The following KLHL14 variants were observed in gnomAD, a reference collection of about 807,000 sequenced individuals.
KLHL14 encodes the protein kelch-like protein 14.
Under a neutral mutation model 64.3 loss-of-function variants are expected in KLHL14, and 22 were observed. That is an observed-to-expected ratio of 0.34 (90% confidence interval 0.24 to 0.49). The LOEUF is 0.49. Among genes scored for constraint, KLHL14 ranks in the 20% least tolerant of loss-of-function variants. The pLI, the probability that KLHL14 is intolerant of heterozygous loss-of-function variation, is 0.99. For synonymous variants in KLHL14, 322 were observed against 333.4 expected, an observed-to-expected ratio of 0.97 and a Z score of 0.37; for missense variants, 661 against 789.0, an observed-to-expected ratio of 0.84 and a Z score of 1.94.
chr18:32,695,487 C>T lies in KLHL14; in HGVS notation c.1135G>A (p.Gly379Arg). 1 of 1,612,212 alleles carries T rather than the reference C, an allele frequency of 6.2e-7. No homozygotes were observed. The highest frequency in any genetic ancestry group is 8.5e-7 in the Non-Finnish European group (1 of 1,178,416). Residue 379 changes from glycine to arginine, a missense_variant, in exon 4 of 9, where the codon GGA (glycine) becomes AGA (arginine). By Grantham distance (125) the Gly-to-Arg change is moderately radical (BLOSUM62 -2). Transcript: ENST00000359358. ...EVENFLFVLG[G>R]EDQWNPNGKH... ...CCATTCGGATTCCACTGGTCCTCTCCACCCAACACGAACAAGAAGTTTTCC... is the reference window on the plus strand; with the variant it reads ...CCATTCGGATTCCACTGGTCCTCTCTACCCAACACGAACAAGAAGTTTTCC...
chr18:32,676,917 G>C (rs2049813951), intron 8 of KLHL14, among the ~76,000 whole-genome samples: 1 of 152,086 alleles, frequency 6.6e-6, no homozygotes, highest in Non-Finnish European at 1.5e-5. Flanking sequence ...CTTTCAGTTG[G>C]GAAGCCAGAA....
rs930611392 is a variant in KLHL14, at chr18:32,680,110, C to T, written c.1588+59G>A. The T allele has an allele frequency of 9.7e-6, 15 of 1,539,382 alleles. No homozygotes were observed. Among genetic ancestry groups the T allele is most frequent in the Middle Eastern group, 1.8e-4 (1 of 5,406 alleles). On this transcript the variant is annotated intron_variant, in intron 7 of 8. Coordinates refer to ENST00000359358, the MANE Select transcript of KLHL14 (RefSeq NM_020805.3). The surrounding 1 kb of genome is among the most constrained non-coding windows in gnomAD (Gnocchi z 4.8). Reference sequence around the variant, plus strand: ...ATTATCTAAGGAGAAACCCCCTTAGCGAGAAATATGAGGTGCAAATGTTAT... The same window carrying T: ...ATTATCTAAGGAGAAACCCCCTTAGTGAGAAATATGAGGTGCAAATGTTAT...
intron 3 of KLHL14, among the ~76,000 whole-genome samples, chr18:32,740,607 T>C (rs1390048777): frequency 6.6e-6 from 1 of 152,232 alleles, no homozygotes; most frequent in Non-Finnish European, 1.5e-5. Flanking sequence ...GCTTTAGCTT[T>C]TGTTTCTGAC....
intron 3 of KLHL14, among the ~76,000 whole-genome samples, chr18:32,727,825 A>G (rs905686084): frequency 6.6e-6 from 1 of 152,214 alleles, no homozygotes; most frequent in Non-Finnish European, 1.5e-5. Flanking sequence ...TACCAGTATG[A>G]CATGGACAGA....
rs2144469607 is a variant in KLHL14, at chr18:32,683,396, C to T, written c.1239-2797G>A. On this transcript the variant is annotated intron_variant, in intron 5 of 8. Transcript: ENST00000359358. This position sits in a 1 kb window ranked among gnomAD's most constrained non-coding sequence, Gnocchi z 4.2. ...GACCAAAGTGAGAGTTCCTGAAATG[C>T]ATTTTAGAAACCTGATTGTTAATGG... is the stretch of plus-strand genomic sequence containing the variant. Among the ~76,000 whole-genome samples the T allele has an allele frequency of 6.6e-6, 1 of 152,280 alleles. No individual in the cohort carries two copies. Among genetic ancestry groups the T allele is most frequent in the African/African-American group, 2.4e-5 (1 of 41,552 alleles).
At position 32,683,652 on chromosome 18, in the gene KLHL14, C is replaced by T. The variant is rs2049855204; in HGVS notation, c.1239-3053G>A. Among the ~76,000 whole-genome samples the T allele has an allele frequency of 2.0e-5, 3 of 152,178 alleles. No individual in the cohort carries two copies. The highest frequency in any genetic ancestry group is 1.9e-4 in the East Asian group (1 of 5,194). On this transcript the variant is annotated intron_variant, in intron 5 of 8. Coordinates refer to ENST00000359358, the MANE Select transcript of KLHL14 (RefSeq NM_020805.3). The surrounding 1 kb of genome is among the most constrained non-coding windows in gnomAD (Gnocchi z 4.2). ...CTTCAGCCTCCCCTGCCCCCACTGC[C>T]AGAAGCAATATTCAGTATTTGTGAG...
chr18:32,709,609 T>C (rs1189525159), intron 3 of KLHL14, among the ~76,000 whole-genome samples: 1 of 152,080 alleles, frequency 6.6e-6, no homozygotes, highest in Admixed American at 6.6e-5. Context: ...CCATCATATC[T>C]GGGTAATTTT....
intron 3 of KLHL14, among the ~76,000 whole-genome samples, chr18:32,717,334 A>T (rs755494138): frequency 1.3e-5 from 2 of 152,242 alleles, no homozygotes; most frequent in Non-Finnish European, 2.9e-5. Flanking sequence ...CTTGAAATTT[A>T]GACTATGTCA....
At chr18:32,764,837 T>C (rs940013182) in intron 2 of KLHL14, among the ~76,000 whole-genome samples, 2 of 152,140 alleles carry the variant, frequency 1.3e-5, no homozygotes, top group African/African-American at 4.8e-5. Context: ...TGTTGCTTTT[T>C]ATAGAAAAAA....
intron 3 of KLHL14, chr18:32,734,036 C>T: frequency 1.6e-6 from 1 of 640,882 alleles, no homozygotes; most frequent in Non-Finnish European, 2.8e-6. Context: ...AGGTCCTCCA[C>T]AATGAGCTTG....
chr18:32,739,537 T>G (rs1419100166), intron 3 of KLHL14, among the ~76,000 whole-genome samples: 1 of 152,012 alleles, frequency 6.6e-6, no homozygotes, highest in Non-Finnish European at 1.5e-5. Context: ...TCCAGTGAAA[T>G]GAACATTGTT....
chr18:32,764,688 G>C (rs2050331410), intron 2 of KLHL14, among the ~76,000 whole-genome samples: 1 of 152,094 alleles, frequency 6.6e-6, no homozygotes, highest in Non-Finnish European at 1.5e-5. Context: ...GGAAATTTCA[G>C]TGCCCACAAA....
chr18:32,689,015 A>T (rs1353081374), intron 4 of KLHL14, among the ~76,000 whole-genome samples: 4 of 152,190 alleles, frequency 2.6e-5, no homozygotes, highest in Non-Finnish European at 5.9e-5. Context: ...GTCATTAGGG[A>T]TGGCTGCTAG....
intron 4 of KLHL14, among the ~76,000 whole-genome samples, chr18:32,688,638 C>T (rs2049892108): frequency 6.6e-6 from 1 of 152,192 alleles, no homozygotes; most frequent in Admixed American, 6.5e-5. Flanking sequence ...AGTTCAAAAA[C>T]AGCAAGAATG....
chr18:32,758,996 G>A (rs1023757724), intron 2 of KLHL14, among the ~76,000 whole-genome samples: 1 of 152,172 alleles, frequency 6.6e-6, no homozygotes, highest in Non-Finnish European at 1.5e-5. Flanking sequence ...GTTTTTGGGG[G>A]AGGGAATGAT....
chr18:32,735,755 C>T (rs991150612), intron 3 of KLHL14, among the ~76,000 whole-genome samples: 2 of 152,140 alleles, frequency 1.3e-5, no homozygotes, highest in Non-Finnish European at 2.9e-5. Flanking sequence ...TTTATTAATG[C>T]TGGTTTCCCT....
rs1242127036 is a variant in KLHL14 at position 32,769,809 on chromosome 18, C to T, written c.783G>A (p.Met261Ile). 4 of 1,612,102 alleles carry T rather than the reference C, an allele frequency of 2.5e-6. No homozygotes were observed. The highest frequency in any genetic ancestry group is 2.5e-6 in the Non-Finnish European group (3 of 1,178,816). Residue 261 changes from methionine (M) to isoleucine (I), a missense_variant, in exon 2 of 9, where the codon ATG becomes ATA. Physicochemically the swap from Met to Ile is conservative, Grantham distance 10. Coordinates refer to ENST00000359358, the MANE Select transcript of KLHL14 (RefSeq NM_020805.3). ...ETRMQYAPDL[M>I]KRLRFALIPA... ...GGATGAGGGCGAAGCGGAGGCGCTT[C>T]ATGAGGTCAGGCGCATACTGCATGC...
At chr18:32,768,464 C>T (rs2050358953) in intron 2 of KLHL14, among the ~76,000 whole-genome samples, 2 of 151,232 alleles carry the variant, frequency 1.3e-5, no homozygotes, top group Admixed American at 1.3e-4. Flanking sequence ...ACAAGGTGGG[C>T]CCCATTCTTT....
At chr18:32,709,078 A>C (rs2050005274) in intron 3 of KLHL14, among the ~76,000 whole-genome samples, 1 of 152,142 alleles carries the variant, frequency 6.6e-6, no homozygotes, top group Non-Finnish European at 1.5e-5. Flanking sequence ...ACTTCTATTC[A>C]GTCATTTCCT....
Sources: gnomAD v4.1 joint callset for allele counts (sites outside exome capture counted in the v4.1 genomes callset) on GRCh38, gnomAD v4.1.1 for gene constraint, Gnocchi (gnomAD v3.1) non-coding constraint, MANE v1.5 for transcripts, NCBI Gene and HGNC (gene_info 2026-07-23, HGNC 2026-07-21) for gene names.